ZNF132: variants seen among roughly 807,000 people sequenced by gnomAD.
ZNF132 encodes the protein zinc finger protein 132.
Under a neutral mutation model 9.3 loss-of-function variants are expected in ZNF132, and 6 were observed. The ratio of observed to expected loss-of-function variants is 0.65; its 90% CI spans 0.35 to 1.28. ZNF132 has a LOEUF of 1.28. Among genes scored for constraint, ZNF132 ranks in the 50% most tolerant of loss-of-function variants. The pLI, the probability that ZNF132 is intolerant of heterozygous loss-of-function variation, is 0.03. For missense variants in ZNF132, 877 were observed against 843.2 expected (o/e 1.04, Z -0.50); for synonymous variants, 296 against 292.0 (o/e 1.01, Z -0.14).
At chr19:58,435,814 C>T (rs1269325954) in intron 2 of ZNF132, 1 of 152,584 alleles carries the variant, frequency 6.6e-6, no homozygotes, top group Non-Finnish European at 1.5e-5. Context: ...CTATGTTGCC[C>T]AGGTTGGTCT....
At chr19:58,437,504 G>C (rs1002222900) in intron 1 of ZNF132, among the ~76,000 whole-genome samples, 2 of 152,014 alleles carry the variant, frequency 1.3e-5, no homozygotes, top group African/African-American at 2.4e-5. Flanking sequence ...CCTCCCTCCT[G>C]CTGGCCAATT....
chr19:58,439,135 G>A (rs1025453124), intron 1 of ZNF132, among the ~76,000 whole-genome samples: 1 of 152,142 alleles, frequency 6.6e-6, no homozygotes, highest in Non-Finnish European at 1.5e-5. Flanking sequence ...CCATGGCCCA[G>A]TTTGGGCAGA....
In ZNF132 at chr19:58,434,873, G is replaced by C; in HGVS notation, c.571C>G (p.Pro191Ala). 6.2e-7 allele frequency: 1 copy of C among 1,614,156 alleles called. No homozygotes were observed. Among genetic ancestry groups the C allele is most frequent in the East Asian group, 2.2e-5 (1 of 44,882 alleles). ...TTCCCACCTTCCCTGCAAGTGAAGG[G>C]GTTCTCTGACAGGTGGACTTTAGAG... ...KSSKVHLSEN[P>A]FTCREGGKVI... The change falls in exon 3 of 3, where the codon CCC (proline) becomes GCC (alanine). Residue 191 changes from proline to alanine, a missense_variant. Coordinates refer to ENST00000254166, the MANE Select transcript of ZNF132 (RefSeq NM_003433.4).
chr19:58,434,365 G>A lies in ZNF132; in HGVS notation c.1079C>T (p.Ser360Leu). 1.2e-6 allele frequency: 2 copies of A among 1,614,260 alleles called. No individual in the cohort carries two copies. The highest frequency in any genetic ancestry group is 1.7e-6 in the Non-Finnish European group (2 of 1,180,048). The change falls in exon 3 of 3, where the codon TCA becomes TTA. Residue 360 changes from serine to leucine, a missense_variant. By Grantham distance (145) the Ser-to-Leu change is moderately radical (BLOSUM62 -2). Coordinates refer to ENST00000254166, the MANE Select transcript of ZNF132 (RefSeq NM_003433.4). ...AACTTTCTCATGCCGAATGAGGTGT[G>A]ATCTGTTACTGAAGGCTTTCCCACA... ...DECGKAFSNR[S>L]HLIRHEKVHT...
intron 2 of ZNF132, chr19:58,436,268 A>C (rs1340485613): frequency 6.5e-6 from 1 of 154,234 alleles, no homozygotes; most frequent in Admixed American, 6.5e-5. Flanking sequence ...CTAAAATTAC[A>C]TTATAGCAAT....
In ZNF132 at chr19:58,433,121, A is replaced by G. The variant is rs189638998; in HGVS notation, c.*202T>C. 1 of 608,084 alleles carries G rather than the reference A, an allele frequency of 1.6e-6. No homozygotes were observed. The highest frequency in any genetic ancestry group is 1.9e-5 in the African/African-American group (1 of 53,528). The allele number at this position is 608,084 out of a possible 1,614,324, so 37.7% of individuals were successfully genotyped here. Reference sequence around the variant, plus strand: ...ATTTTTGGATCCAGGCAAGATGGAAAGTGACTATGGCTTCTGCCTTATGCT... The same window carrying G: ...ATTTTTGGATCCAGGCAAGATGGAAGGTGACTATGGCTTCTGCCTTATGCT... On this transcript the variant is annotated 3_prime_UTR_variant, in exon 3 of 3. Coordinates refer to ENST00000254166, the MANE Select transcript of ZNF132 (RefSeq NM_003433.4).
rs1380357521 is a variant in ZNF132, at chr19:58,434,501, C to G, written c.943G>C (p.Glu315Gln). 6.2e-7 allele frequency: 1 copy of G among 1,614,100 alleles called. No individual in the cohort carries two copies. The highest frequency in any genetic ancestry group is 2.2e-5 in the East Asian group (1 of 44,908). The stretch of plus-strand genomic sequence containing the variant: ...GCAATGCACTCATAATATTTTACTT[C>G]AGTGTGAAATTTCTGGTGCTTCCTC... Reference protein sequence around the residue: ...KLRKHQKFHTEVKYYECIACG... With the variant: ...KLRKHQKFHTQVKYYECIACG... Residue 315 changes from glutamate to glutamine, a missense_variant, in exon 3 of 3, where the codon GAA (glutamate) becomes CAA (glutamine). Physicochemically the swap from Glu to Gln is conservative, Grantham distance 29. Transcript: ENST00000254166.
rs761746270 is a variant in ZNF132, at chr19:58,437,118, A to G, written c.161T>C (p.Leu54Pro). 1 of 1,614,136 alleles carries G rather than the reference A, an allele frequency of 6.2e-7. No individual in the cohort carries two copies. The highest frequency in any genetic ancestry group is 1.1e-5 in the South Asian group (1 of 91,082). ...CAGGTGCCTCTGGGCTGCATCAAGG[A>G]GCTCCCACTCCTCTTGGGAGAAGTA... ...AVYFSQEEWE[L>P]LDAAQRHLYH... Residue 54 changes from leucine to proline, a missense_variant, in exon 2 of 3, where the codon CTC becomes CCC. Physicochemically the swap from Leu to Pro is moderately conservative, Grantham distance 98. Coordinates refer to ENST00000254166, the MANE Select transcript of ZNF132 (RefSeq NM_003433.4).
rs1286744090 is a variant in ZNF132, at chr19:58,440,014, C to T, written c.-193G>A. On this transcript the variant is annotated 5_prime_UTR_variant, in exon 1 of 3. It removes an upstream start codon present in the reference 5' UTR. Coordinates refer to ENST00000254166, the MANE Select transcript of ZNF132 (RefSeq NM_003433.4). ...CTCCACTTTCGGGAACACCTTGGCTCATAAAAGCAGAGTAATTAGCCGGGC... is the reference window on the plus strand; with the variant it reads ...CTCCACTTTCGGGAACACCTTGGCTTATAAAAGCAGAGTAATTAGCCGGGC... The T allele has an allele frequency of 1.3e-5, 8 of 600,910 alleles. No homozygotes were observed. Among genetic ancestry groups the T allele is most frequent in the East Asian group, 3.3e-5 (1 of 30,730 alleles). 37.2% of individuals were successfully genotyped at this position (600,910 alleles called of 1,614,324 possible).
chr19:58,435,434 G>A (rs1200789692), intron 2 of ZNF132: 1 of 520,142 alleles, frequency 1.9e-6, no homozygotes, highest in Non-Finnish European at 3.4e-6. Flanking sequence ...TAAGGACACA[G>A]AAATGGGTCA....
In ZNF132 at chr19:58,434,643, T is replaced by C. The variant is rs763863015; in HGVS notation, c.801A>G (p.Pro267=). ...THSEEIPFTC[P]TGGNFLEEKS... ...TCTCCTCTAAGAAATTTCCACCTGT[T>C]GGGCATGTAAATGGTATCTCTTCAG... Residue 267 remains proline (P), a synonymous_variant, in exon 3 of 3, where the codon CCA becomes CCG. Transcript: ENST00000254166. The C allele has an allele frequency of 6.2e-7, 1 of 1,614,250 alleles. No homozygotes were observed. Among genetic ancestry groups the C allele is most frequent in the Non-Finnish European group, 8.5e-7 (1 of 1,180,046 alleles).
At position 58,433,553 on chromosome 19, in the gene ZNF132, C is replaced by A. The variant is rs1216331445; in HGVS notation, c.1891G>T (p.Glu631Ter). Residue 631 changes from glutamate to a stop codon, truncating the protein, a stop_gained, in exon 3 of 3, where the codon GAA becomes TAA. Coordinates refer to ENST00000254166, the MANE Select transcript of ZNF132 (RefSeq NM_003433.4). LOFTEE classifies it low-confidence loss of function (END_TRUNC). ...HTGERPYECS[E>*]CGRAFSSNSH... ...TTACTGCTAAAGGCTCTCCCACATT[C>A]ACTGCATTCGTAAGGCCTTTCTCCA... is the stretch of plus-strand genomic sequence containing the variant. 3 of 1,614,044 alleles carry A rather than the reference C, an allele frequency of 1.9e-6. No individual in the cohort carries two copies. The African/African-American group carries it at 4.0e-5, about 22-fold the overall frequency.
In ZNF132 at chr19:58,438,004, T is replaced by C. The variant is rs190451860; in HGVS notation, c.64-789A>G. Among the ~76,000 whole-genome samples, 86 of 152,320 alleles carry C rather than the reference T, an allele frequency of 5.6e-4. 1 individual carries two copies. In the East Asian group the frequency reaches 0.013, roughly 23 times the overall value. Reference sequence around the variant, plus strand: ...CTGGCCCCCACCTTGGCTTGGGGACTCAGCTTAGGCTGACCCTTTCTGATC... The same window carrying C: ...CTGGCCCCCACCTTGGCTTGGGGACCCAGCTTAGGCTGACCCTTTCTGATC... On this transcript the variant is annotated intron_variant, in intron 1 of 2. Transcript: ENST00000254166.
chr19:58,433,248 G>T lies in ZNF132; in HGVS notation c.*75C>A, dbSNP rs1302130063. ...GCAGTACATGTAGGTAATTTTTCTG[G>T]TATGGGGATTCTGCTGCATGAAGTT... On this transcript the variant is annotated 3_prime_UTR_variant, in exon 3 of 3. Transcript: ENST00000254166. 4 of 1,468,098 alleles carry T rather than the reference G, an allele frequency of 2.7e-6. No homozygotes were observed. The highest frequency in any genetic ancestry group is 4.5e-5 in the East Asian group (2 of 44,092). The allele number at this position is 1,468,098 out of a possible 1,614,324, so 90.9% of individuals were successfully genotyped here.
intron 1 of ZNF132, 36 bp from the exon 2 acceptor site, chr19:58,437,251 A>C (rs1359935683): frequency 1.9e-6 from 3 of 1,552,660 alleles, no homozygotes. Context: ...AAATGGAAAT[A>C]TGCAGGACCT....
Position 58,434,085 on chromosome 19 carries a change from GT to G in ZNF132, c.1358del (p.His453ProfsTer78). 1 of 1,614,128 alleles carries G rather than the reference GT, an allele frequency of 6.2e-7. No individual in the cohort carries two copies. Among genetic ancestry groups the G allele is most frequent in the Non-Finnish European group, 8.5e-7 (1 of 1,180,018 alleles). On this transcript the variant is annotated frameshift_variant, in exon 3 of 3. Transcript: ENST00000254166. LOFTEE classifies it low-confidence loss of function (END_TRUNC). ...NSNLAQHQKV[H>X]TGERPFECSE... ...TGCACTCAAAAGGCCGTTCTCCGGT[GT>G]GAACTTTCTGGTGCTGAGCAAGGTT...
intron 1 of ZNF132, among the ~76,000 whole-genome samples, chr19:58,437,990 C>T (rs1049298956): frequency 6.6e-6 from 1 of 152,204 alleles, no homozygotes; most frequent in African/African-American, 2.4e-5. Context: ...TGGCCCCCAC[C>T]TTGGCTTGGG....
chr19:58,439,662 C>G (rs2052791136), intron 1 of ZNF132, 97 bp downstream of exon 1: 1 of 1,326,202 alleles, frequency 7.5e-7, no homozygotes, highest in Admixed American at 3.1e-5. Context: ...AGGACACGAT[C>G]AAGAGTCCCA....
chr19:58,435,102 GTTAGCT>G lies in ZNF132; in HGVS notation c.336_341del (p.Lys112_Ala113del), dbSNP rs369966718. 1 of 1,614,222 alleles carries G rather than the reference GTTAGCT, an allele frequency of 6.2e-7. No individual in the cohort carries two copies. Among genetic ancestry groups the G allele is most frequent in the South Asian group, 1.1e-5 (1 of 91,084 alleles). On this transcript the variant is annotated inframe_deletion, in exon 3 of 3. Transcript: ENST00000254166. ...AGAATGGCCCACACATGTCACAGGAGTTAGCTTTCTTGGTGGAAGGATCTGCATTAG... is the reference window on the plus strand; with the variant it reads ...AGAATGGCCCACACATGTCACAGGAGTTCTTGGTGGAAGGATCTGCATTAG...
Sources: gnomAD v4.1 joint callset for allele counts (sites outside exome capture counted in the v4.1 genomes callset) on GRCh38, gnomAD v4.1.1 for gene constraint, MANE v1.5 for transcripts, NCBI Gene and HGNC (gene_info 2026-07-23, HGNC 2026-07-21) for gene names.